The following VPS4A variants were observed in gnomAD, a reference collection of about 807,000 sequenced individuals.
The protein encoded by VPS4A is vacuolar protein sorting 4 homolog A.
A neutral mutation model predicts 52.3 loss-of-function variants in VPS4A; 20 were observed. The ratio of observed to expected loss-of-function variants is 0.38; its 90% CI spans 0.27 to 0.56. The LOEUF is 0.56. Among genes scored for constraint, VPS4A ranks in the 20% least tolerant of loss-of-function variants. The pLI is 0.72. For missense variants in VPS4A, 419 were observed against 575.9 expected (o/e 0.73, Z 2.79); for synonymous variants, 293 against 227.7 (o/e 1.29, Z -2.58).
At chr16:69,319,300 T>C (rs1965480571) in intron 5 of VPS4A, 87 bp from the exon 6 acceptor site, 4 of 1,545,172 alleles carry the variant, frequency 2.6e-6, no homozygotes, top group Non-Finnish European at 3.5e-6. Flanking sequence ...TGCCCTGTTT[T>C]ACTGTATGTA....
rs1597216011 is a variant in VPS4A at position 69,324,546 on chromosome 16, G to A, written c.*237G>A. The A allele has an allele frequency of 6.0e-6, 3 of 497,058 alleles. No individual in the cohort carries two copies. Among genetic ancestry groups the A allele is most frequent in the Non-Finnish European group, 1.1e-5 (3 of 274,300 alleles). 30.8% of individuals were successfully genotyped at this position (497,058 alleles called of 1,614,324 possible). ...CTTCCTACTTCCTCCTCTCCTGGAT[G>A]CTCATCAGCTCCTTCTGCCTCCCCC... is the stretch of plus-strand genomic sequence containing the variant. On this transcript the variant is annotated 3_prime_UTR_variant, in exon 11 of 11. Transcript: ENST00000254950.
At chr16:69,323,744 G>C (rs1433438937) in intron 10 of VPS4A, 1 of 443,278 alleles carries the variant, frequency 2.3e-6, no homozygotes, top group African/African-American at 2.0e-5. Flanking sequence ...GAGGTCAGGA[G>C]TTCAAGAGCA....
intron 3 of VPS4A, among the ~76,000 whole-genome samples, chr16:69,317,016 C>T (rs1006249934): frequency 1.8e-4 from 28 of 151,970 alleles, no homozygotes; most frequent in African/African-American, 6.5e-4. Flanking sequence ...GGTGGTATCT[C>T]GGAGGCGTGG....
Position 69,320,422 on chromosome 16 carries a change from C to A in VPS4A, c.769+133C>A. The A allele has an allele frequency of 7.6e-7, 1 of 1,313,374 alleles. No individual in the cohort carries two copies. The highest frequency in any genetic ancestry group is 1.0e-6 in the Non-Finnish European group (1 of 965,832). 81.4% of individuals were successfully genotyped at this position (1,313,374 alleles called of 1,614,324 possible). A position where few individuals can be genotyped will look rare whatever the true frequency, so the allele number is the denominator to read the frequency against. On this transcript the variant is annotated intron_variant, in intron 7 of 10. Transcript: ENST00000254950. The surrounding 1 kb of genome is among the most constrained non-coding windows in gnomAD (Gnocchi z 4.2). ...ACTCCCCAGCTCCAGCCCCTCAGGGCACGGGTGGACTTCAATTCCCAAGAG... is the reference window on the plus strand; with the variant it reads ...ACTCCCCAGCTCCAGCCCCTCAGGGAACGGGTGGACTTCAATTCCCAAGAG...
intron 1 of VPS4A, among the ~76,000 whole-genome samples, chr16:69,314,223 T>A (rs1435950876): frequency 6.6e-6 from 1 of 152,012 alleles, no homozygotes; most frequent in African/African-American, 2.4e-5. Context: ...CGCCTCCGCG[T>A]CCCAAAGTGC....
intron 10 of VPS4A, chr16:69,323,016 A>T: frequency 5.3e-6 from 1 of 187,568 alleles, no homozygotes; most frequent in Non-Finnish European, 1.1e-5. Context: ...TGCAGTGAGC[A>T]GAGATTGGGC....
At chr16:69,322,786 C>G (rs1226590781) in intron 10 of VPS4A, 86 bp downstream of exon 10, 136 of 1,503,860 alleles carry the variant, frequency 9.0e-5, no homozygotes, top group Non-Finnish European at 1.2e-4. Context: ...CGGTCTTCTC[C>G]AGGCCAGGCA....
chr16:69,319,502 C>A lies in VPS4A; in HGVS notation c.579C>A (p.Ser193=). 6.2e-7 allele frequency: 1 copy of A among 1,613,934 alleles called. No individual in the cohort carries two copies. Among genetic ancestry groups the A allele is most frequent in the East Asian group, 2.2e-5 (1 of 44,884 alleles). Residue 193 remains serine, a synonymous_variant, in exon 6 of 11, where the codon TCC becomes TCA. Coordinates refer to ENST00000254950, the MANE Select transcript of VPS4A (RefSeq NM_013245.3). ...ACAACTCCACCTTCTTCTCTGTGTC[C>A]TCCTCAGATCTGATGTCCAAGTGGC... ...EANNSTFFSV[S]SSDLMSKWLG... is the part of the protein sequence containing the mutation.
Position 69,315,907 on chromosome 16 carries a change from G to A in VPS4A, c.22-101G>A, listed in dbSNP as rs1361705621. 15 of 957,600 alleles carry A rather than the reference G, an allele frequency of 1.6e-5. No individual in the cohort carries two copies. The East Asian group carries it at 2.5e-4, about 16-fold the overall frequency. 59.3% of individuals were successfully genotyped at this position (957,600 alleles called of 1,614,324 possible). A position where few individuals can be genotyped will look rare whatever the true frequency, so the allele number is the denominator to read the frequency against. On this transcript the variant is annotated intron_variant, in intron 1 of 10. Transcript: ENST00000254950. ...TGGCCCGCAAGCAATAAATCCACAG[G>A]CCCAGCGGCATCCCTCGTCACGTTT... is the stretch of plus-strand genomic sequence containing the variant.
Position 69,318,599 on chromosome 16 carries a change from C to G in VPS4A, c.282-51C>G, listed in dbSNP as rs1965467683. 15 of 1,562,940 alleles carry G rather than the reference C, an allele frequency of 9.6e-6. No individual in the cohort carries two copies. In the Admixed American group the frequency reaches 2.7e-4, roughly 28 times the overall value. On this transcript the variant is annotated intron_variant, in intron 3 of 10. Coordinates refer to ENST00000254950, the MANE Select transcript of VPS4A (RefSeq NM_013245.3). ...GAGCCTGGACTTGCTGGGAGCACCT[C>G]TGTGCTCCAGGCTGAAGGGCCAGCT...
chr16:69,315,176 A>G (rs137915437), intron 1 of VPS4A, among the ~76,000 whole-genome samples: 1 of 152,136 alleles, frequency 6.6e-6, no homozygotes, highest in Non-Finnish European at 1.5e-5. Flanking sequence ...TCCGGCCTAG[A>G]TGATAGAGTA....
In VPS4A at chr16:69,316,406, G is replaced by A. The variant is rs200978387; in HGVS notation, c.281+34G>A. On this transcript the variant is annotated intron_variant, in intron 3 of 10. Coordinates refer to ENST00000254950, the MANE Select transcript of VPS4A (RefSeq NM_013245.3). ...CTGCAGCGTCCGCCCAGGAACCTGG[G>A]CCCTCCTCACGGCTCCCTATCATTC... The A allele has an allele frequency of 4.3e-5, 69 of 1,609,858 alleles. No homozygotes were observed. In the Admixed American group the frequency reaches 9.9e-4, roughly 23 times the overall value.
intron 1 of VPS4A, among the ~76,000 whole-genome samples, chr16:69,313,536 A>T (rs1244869437): frequency 1.3e-5 from 2 of 152,278 alleles, no homozygotes; most frequent in African/African-American, 4.8e-5. Context: ...AGCTTCTTTC[A>T]TTATGACTTA....
rs1373285560 is a variant in VPS4A, at chr16:69,325,520, G to C, written c.*1211G>C. On this transcript the variant is annotated 3_prime_UTR_variant, in exon 11 of 11. Transcript: ENST00000254950. Reference sequence around the variant, plus strand: ...GGAGGCCGACGCGGGCGGATCACAAGGTCAGGAAATCGAGAACATCCTGGC... The same window carrying C: ...GGAGGCCGACGCGGGCGGATCACAACGTCAGGAAATCGAGAACATCCTGGC... The C allele has an allele frequency of 6.6e-6, 1 of 152,130 alleles. No individual in the cohort carries two copies. Among genetic ancestry groups the C allele is most frequent in the Admixed American group, 6.6e-5 (1 of 15,256 alleles). 9.4% of individuals were successfully genotyped at this position (152,130 alleles called of 1,614,324 possible). A position where few individuals can be genotyped will look rare whatever the true frequency, so the allele number is the denominator to read the frequency against.
In VPS4A at chr16:69,326,622, G is replaced by A. The variant is rs1168479471; in HGVS notation, c.*2313G>A. 6.6e-6 allele frequency: 1 copy of A among 152,216 alleles called. No individual in the cohort carries two copies. The highest frequency in any genetic ancestry group is 1.5e-5 in the Non-Finnish European group (1 of 68,054). The allele number at this position is 152,216 out of a possible 1,614,324, so 9.4% of individuals were successfully genotyped here. A position where few individuals can be genotyped will look rare whatever the true frequency, so the allele number is the denominator to read the frequency against. On this transcript the variant is annotated 3_prime_UTR_variant, in exon 11 of 11. Transcript: ENST00000254950. ...TTCCAGTTGTCTCTCTCCATGACCAGCAACAGGAACCACTGACGCTGAACT... is the reference window on the plus strand; with the variant it reads ...TTCCAGTTGTCTCTCTCCATGACCAACAACAGGAACCACTGACGCTGAACT...
chr16:69,324,377 T>C lies in VPS4A; in HGVS notation c.*68T>C. ...GGGGCAAATCCAGGCACTCCCCATG[T>C]CAACAGCCAGACAGGGCTCCAGGGC... On this transcript the variant is annotated 3_prime_UTR_variant, in exon 11 of 11. Transcript: ENST00000254950. 6.7e-7 allele frequency: 1 copy of C among 1,495,704 alleles called. No individual in the cohort carries two copies. Among genetic ancestry groups the C allele is most frequent in the Non-Finnish European group, 9.2e-7 (1 of 1,085,780 alleles). 92.7% of individuals were successfully genotyped at this position (1,495,704 alleles called of 1,614,324 possible).
chr16:69,313,724 T>C (rs991328555), intron 1 of VPS4A, among the ~76,000 whole-genome samples: 1 of 152,226 alleles, frequency 6.6e-6, no homozygotes, highest in African/African-American at 2.4e-5. Flanking sequence ...AAGGTAGAGT[T>C]GAGTCGTTGC....
chr16:69,326,523 C>A lies in VPS4A; in HGVS notation c.*2214C>A, dbSNP rs1267245017. ...CTACTGCTTAAACACCTTGACAAGT[C>A]CTAGGGGTTAACAAAGGTTAGCATG... On this transcript the variant is annotated 3_prime_UTR_variant, in exon 11 of 11. Coordinates refer to ENST00000254950, the MANE Select transcript of VPS4A (RefSeq NM_013245.3). 6.6e-6 allele frequency: 1 copy of A among 152,200 alleles called. No individual in the cohort carries two copies. The highest frequency in any genetic ancestry group is 1.5e-5 in the Non-Finnish European group (1 of 68,032). The allele number at this position is 152,200 out of a possible 1,614,324, so 9.4% of individuals were successfully genotyped here. A position where few individuals can be genotyped will look rare whatever the true frequency, so the allele number is the denominator to read the frequency against.
intron 3 of VPS4A, among the ~76,000 whole-genome samples, chr16:69,318,377 C>G (rs1328006368): frequency 6.6e-6 from 1 of 152,208 alleles, no homozygotes; most frequent in East Asian, 1.9e-4. Context: ...ATTTCCCTTA[C>G]GGCCTTCAGG....
Sources: allele counts gnomAD v4.1 joint callset (sites outside exome capture counted in the v4.1 genomes callset), GRCh38; gene constraint gnomAD v4.1.1; non-coding constraint Gnocchi (gnomAD v3.1); transcripts MANE v1.5; gene names NCBI Gene and HGNC (gene_info 2026-07-23, HGNC 2026-07-21).